Variants in CMIP observed in about 807,000 individuals in gnomAD.
CMIP encodes the protein C-Maf-inducing protein.
In CMIP, 13 loss-of-function variants were observed where a neutral mutation model predicts 97.3. The observed-to-expected ratio is 0.13, with a 90% CI of 0.09 to 0.21. The LOEUF (loss-of-function observed/expected upper bound fraction) is 0.21. CMIP is among the 10% of genes least tolerant of loss of function. The probability of loss-of-function intolerance (pLI) is 1.00; values close to 1 mark genes in which losing one functional copy is unlikely to be tolerated. For synonymous variants in CMIP, 538 were observed against 436.3 expected (o/e 1.23, Z -2.91); for missense variants, 847 against 1,024.9 (o/e 0.83, Z 2.37).
intron 1 of CMIP, among the ~76,000 whole-genome samples, chr16:81,582,004 A>C (rs2150906211): frequency 6.6e-6 from 1 of 152,334 alleles, no homozygotes; most frequent in East Asian, 1.9e-4. Context: ...CTCAGGTGGA[A>C]GGCAAAGGAG....
chr16:81,449,040 A>T (rs1906045075), intron 1 of CMIP, among the ~76,000 whole-genome samples: 1 of 152,192 alleles, frequency 6.6e-6, no homozygotes, highest in Non-Finnish European at 1.5e-5. Context: ...CTGTGGGTTG[A>T]ATTTGATCAC....
At chr16:81,619,925 G>T (rs1199674082) in intron 2 of CMIP, 1 of 152,264 alleles carries the variant, frequency 6.6e-6, no homozygotes, top group Admixed American at 6.5e-5. Flanking sequence ...AGCAGACCGA[G>T]AAAGGAGGTG....
intron 3 of CMIP, among the ~76,000 whole-genome samples, chr16:81,626,404 TG>T (rs755612361): frequency 2.0e-5 from 3 of 150,944 alleles, no homozygotes; most frequent in Non-Finnish European, 4.4e-5. Context: ...GTGTGGCGTG[TG>T]GGGTGACTAT....
At chr16:81,597,983 C>A (rs1457299444) in intron 1 of CMIP, among the ~76,000 whole-genome samples, 3 of 151,872 alleles carry the variant, frequency 2.0e-5, no homozygotes, top group Non-Finnish European at 2.9e-5. Flanking sequence ...TGAATTCAGT[C>A]CTTAGGTGAC....
chr16:81,598,084 A>G (rs1567601911), intron 1 of CMIP, among the ~76,000 whole-genome samples: 1 of 152,070 alleles, frequency 6.6e-6, no homozygotes, highest in Non-Finnish European at 1.5e-5. Context: ...GTGGTTTTTA[A>G]AAGTACTAAT....
chr16:81,513,737 G>C (rs1221196650), intron 1 of CMIP, among the ~76,000 whole-genome samples: 1 of 152,244 alleles, frequency 6.6e-6, no homozygotes, highest in Non-Finnish European at 1.5e-5. Flanking sequence ...CGTTTTGCAA[G>C]GGACACAGGC....
At position 81,616,281 on chromosome 16, in the gene CMIP, G is replaced by A. The variant is rs144796827; in HGVS notation, c.427-4595G>A. 1.4e-3 allele frequency among the ~76,000 whole-genome samples: 216 copies of A among 152,120 alleles called. No homozygotes were observed. The highest frequency in any genetic ancestry group is 5.0e-3 in the African/African-American group (206 of 41,500). On this transcript the variant is annotated intron_variant, in intron 2 of 20. Coordinates refer to ENST00000537098, the MANE Select transcript of CMIP (RefSeq NM_198390.3). The surrounding 1 kb of genome is among the most constrained non-coding windows in gnomAD (Gnocchi z 4.7). ...CCCAGCCAGCCTCAGGGTGTGGGCCGAGGGCTTGAAGAAGTGGCCGCCAGA... is the reference window on the plus strand; with the variant it reads ...CCCAGCCAGCCTCAGGGTGTGGGCCAAGGGCTTGAAGAAGTGGCCGCCAGA...
intron 1 of CMIP, among the ~76,000 whole-genome samples, chr16:81,607,318 C>T (rs2091760295): frequency 1.3e-5 from 2 of 152,236 alleles, no homozygotes; most frequent in East Asian, 3.9e-4. Flanking sequence ...CCTCCAGCTG[C>T]TCCCACTCTG....
intron 1 of CMIP, among the ~76,000 whole-genome samples, chr16:81,607,203 G>T (rs1310464009): frequency 6.6e-6 from 1 of 152,212 alleles, no homozygotes; most frequent in Non-Finnish European, 1.5e-5. Context: ...GTGCTTTCTG[G>T]GCAGGAGAAG....
At chr16:81,545,351 G>A (rs912880746) in intron 1 of CMIP, among the ~76,000 whole-genome samples, 10 of 152,176 alleles carry the variant, frequency 6.6e-5, no homozygotes, top group African/African-American at 2.4e-4. Flanking sequence ...GAAGAGGGTG[G>A]GTGCTTGATG....
At chr16:81,513,855 C>T (rs980432405) in intron 1 of CMIP, among the ~76,000 whole-genome samples, 4 of 152,210 alleles carry the variant, frequency 2.6e-5, no homozygotes, top group African/African-American at 9.7e-5. Context: ...GACTTGCAAC[C>T]TTTGCCCTGT....
At chr16:81,512,436 A>C (rs1227905506) in intron 1 of CMIP, among the ~76,000 whole-genome samples, 4 of 152,314 alleles carry the variant, frequency 2.6e-5, no homozygotes, top group African/African-American at 9.6e-5. Flanking sequence ...ATTTCATTAG[A>C]GATTGCAAAG....
chr16:81,507,305 G>T (rs2089727629), intron 1 of CMIP, among the ~76,000 whole-genome samples: 1 of 152,116 alleles, frequency 6.6e-6, no homozygotes, highest in South Asian at 2.1e-4. Flanking sequence ...GGGGTCTTGG[G>T]TACCCTCCCT....
At chr16:81,694,113 A>G (rs376489639) in intron 13 of CMIP, among the ~76,000 whole-genome samples, 4 of 152,148 alleles carry the variant, frequency 2.6e-5, no homozygotes, top group African/African-American at 9.6e-5. Context: ...TCCTTTTCTC[A>G]TGCCTCACAG....
intron 1 of CMIP, among the ~76,000 whole-genome samples, chr16:81,521,650 A>G (rs1380891900): frequency 1.3e-5 from 2 of 152,060 alleles, no homozygotes; most frequent in Non-Finnish European, 2.9e-5. Context: ...CCTGGAGTGA[A>G]TTTTCTTTTC....
chr16:81,691,052 T>C (rs1906002769), intron 10 of CMIP, among the ~76,000 whole-genome samples: 1 of 152,232 alleles, frequency 6.6e-6, no homozygotes, highest in South Asian at 2.1e-4. Flanking sequence ...GAATTTTCCC[T>C]CAGTTCTGAT....
intron 5 of CMIP, among the ~76,000 whole-genome samples, chr16:81,659,370 G>A (rs1295079231): frequency 1.3e-5 from 2 of 151,894 alleles, no homozygotes. Context: ...TGTTAGAGGG[G>A]GTGCAGAGGA....
chr16:81,711,048 C>G lies in CMIP; in HGVS notation c.*1249C>G, dbSNP rs2151117325. ...CCCCGCCACCCCCCACATGTGACCA[C>G]TGCAACGAAGACACTCCTTCTGTCC... is the stretch of plus-strand genomic sequence containing the variant. On this transcript the variant is annotated 3_prime_UTR_variant, in exon 21 of 21. Coordinates refer to ENST00000537098, the MANE Select transcript of CMIP (RefSeq NM_198390.3). 1 of 146,414 alleles carries G rather than the reference C, an allele frequency of 6.8e-6. No individual in the cohort carries two copies. The highest frequency in any genetic ancestry group is 3.5e-3 in the Middle Eastern group (1 of 284). 9.1% of individuals were successfully genotyped at this position (146,414 alleles called of 1,614,324 possible).
Position 81,497,579 on chromosome 16 carries a change from T to C in CMIP, c.300+52038T>C, listed in dbSNP as rs571454964. On this transcript the variant is annotated intron_variant, in intron 1 of 20. Transcript: ENST00000537098. The stretch of plus-strand genomic sequence containing the variant: ...CACAGCCAGCTTGGAGAAGTCACTC[T>C]AATAACCCATCTTGCCGGTGATGCC... Among the ~76,000 whole-genome samples, 5 of 152,352 alleles carry C rather than the reference T, an allele frequency of 3.3e-5. No homozygotes were observed. In the South Asian group the frequency reaches 1.0e-3, roughly 32 times the overall value.
Sources: gnomAD v4.1 joint callset for allele counts (sites outside exome capture counted in the v4.1 genomes callset) on GRCh38, gnomAD v4.1.1 for gene constraint, Gnocchi (gnomAD v3.1) non-coding constraint, MANE v1.5 for transcripts, NCBI Gene and HGNC (gene_info 2026-07-23, HGNC 2026-07-21) for gene names.